Variants in CYP3A4 observed in about 807,000 individuals in gnomAD.
CYP3A4 encodes the protein cytochrome P450 family 3 subfamily A member 4.
In CYP3A4, 41 loss-of-function variants were observed where a neutral mutation model predicts 54.9. That is an observed-to-expected ratio of 0.75 (90% CI 0.58 to 0.97). The LOEUF (loss-of-function observed/expected upper bound fraction) is 0.97. CYP3A4 is among the 50% of genes least tolerant of loss of function. CYP3A4 has a pLI of 0.00. For missense variants in CYP3A4, 510 were observed against 597.3 expected, an observed-to-expected ratio of 0.85 and a Z score of 1.52; for synonymous variants, 179 against 205.2, an observed-to-expected ratio of 0.87 and a Z score of 1.09.
chr7:99,780,260 G>GCCT, intron 1 of CYP3A4, 175 bp from the exon 2 acceptor site: 1 of 637,280 alleles, frequency 1.6e-6, no homozygotes, highest in Non-Finnish European at 2.6e-6. Flanking sequence ...GTCCTTTCCT[G>GCCT]CCTCCACCAT....
intron 1 of CYP3A4, among the ~76,000 whole-genome samples, chr7:99,783,609 T>C (rs1815983076): frequency 7.0e-6 from 1 of 143,548 alleles, no homozygotes; most frequent in Non-Finnish European, 1.5e-5. Flanking sequence ...TGAACATCTT[T>C]TTTTTTTTTT....
chr7:99,767,295 TC>T (rs775396662), intron 7 of CYP3A4, 37 bp from the exon 8 acceptor site: 14 of 1,542,514 alleles, frequency 9.1e-6, no homozygotes, highest in Non-Finnish European at 1.2e-5. Flanking sequence ...AAAAAGAAAT[TC>T]ATTGTGAATG....
rs778013004 is a variant in CYP3A4 at position 99,770,166 on chromosome 7, G to C, written c.388C>G (p.Arg130Gly). The change falls in exon 5 of 13, where the codon CGA becomes GGA. Residue 130 changes from arginine to glycine, a missense_variant. By Grantham distance (125) the Arg-to-Gly change is moderately radical. This residue lies in a region of CYP3A4 where 272 missense variants were observed against 274.9 expected (regional missense o/e 0.99). Transcript: ENST00000651514. ...GTGAAGGTTGGAGACAGCAATGATC[G>C]TAATCTCTTCCATTCTTCATCCTCA... The part of the protein sequence containing the change: ...IAEDEEWKRL[R>G]SLLSPTFTSG... 1 of 1,613,568 alleles carries C rather than the reference G, an allele frequency of 6.2e-7. No homozygotes were observed. Among genetic ancestry groups the C allele is most frequent in the African/African-American group, 1.3e-5 (1 of 74,842 alleles).
At position 99,780,732 on chromosome 7, in the gene CYP3A4, T is replaced by C. The variant is rs919339195; in HGVS notation, c.72-647A>G. 5.9e-5 allele frequency among the ~76,000 whole-genome samples: 9 copies of C among 152,204 alleles called. No individual in the cohort carries two copies. The South Asian group carries it at 1.2e-3, about 21-fold the overall frequency. On this transcript the variant is annotated intron_variant, in intron 1 of 12. Transcript: ENST00000651514. ...TTGACAACTGTGCTCAAGGCTTCCA[T>C]TGACCTCATAGAAATGTGAGCAGCT... is the stretch of plus-strand genomic sequence containing the variant.
intron 2 of CYP3A4, among the ~76,000 whole-genome samples, chr7:99,779,186 C>A (rs904567420): frequency 1.3e-5 from 2 of 152,076 alleles, no homozygotes; most frequent in African/African-American, 4.8e-5. Context: ...TTCATCAAAT[C>A]ATCCCCTTTC....
rs1815221590 is a variant in CYP3A4 at position 99,758,021 on chromosome 7, A to C, written c.*112T>G. The stretch of plus-strand genomic sequence containing the variant: ...GAATCCCCGGTTATTTATGCAGTCC[A>C]TTGGATGAAGCCCATCTTCATTTCA... On this transcript the variant is annotated 3_prime_UTR_variant, in exon 13 of 13. Transcript: ENST00000651514. 2 of 853,942 alleles carry C rather than the reference A, an allele frequency of 2.3e-6. No homozygotes were observed. Among genetic ancestry groups the C allele is most frequent in the Non-Finnish European group, 3.9e-6 (2 of 509,990 alleles). The allele number at this position is 853,942 out of a possible 1,614,324, so 52.9% of individuals were successfully genotyped here.
chr7:99,781,442 T>C (rs1422751974), intron 1 of CYP3A4, among the ~76,000 whole-genome samples: 1 of 152,200 alleles, frequency 6.6e-6, no homozygotes, highest in Non-Finnish European at 1.5e-5. Flanking sequence ...ACTATCTCTG[T>C]AGGAAAACCC....
intron 11 of CYP3A4, 45 bp from the exon 12 acceptor site, chr7:99,761,026 C>A: frequency 6.3e-7 from 1 of 1,596,744 alleles, no homozygotes. Context: ...TGACATAATA[C>A]CCCTAAGAGT....
intron 10 of CYP3A4, 119 bp downstream of exon 10, chr7:99,763,736 A>T: frequency 2.3e-6 from 3 of 1,330,006 alleles, no homozygotes; most frequent in Non-Finnish European, 3.1e-6. Flanking sequence ...CTTCCTACAT[A>T]GAGTCAGTGA....
chr7:99,772,775 G>A, intron 3 of CYP3A4, 86 bp from the exon 4 acceptor site: 1 of 1,346,058 alleles, frequency 7.4e-7, no homozygotes, highest in Non-Finnish European at 1.1e-6. Flanking sequence ...CTTTGATCCT[G>A]ACTTTACATA....
intron 12 of CYP3A4, among the ~76,000 whole-genome samples, 193 bp downstream of exon 12, chr7:99,760,626 A>G (rs1283056625): frequency 6.6e-6 from 1 of 152,218 alleles, no homozygotes; most frequent in Non-Finnish European, 1.5e-5. Flanking sequence ...GCTTTACATG[A>G]TGTTTTTGAT....
At chr7:99,766,938 C>A in intron 8 of CYP3A4, 193 bp downstream of exon 8, 1 of 496,950 alleles carries the variant, frequency 2.0e-6, no homozygotes, top group Non-Finnish European at 3.5e-6. Context: ...GTCTCTGACT[C>A]ATTCTCATAT....
chr7:99,779,338 G>A (rs35211223), intron 2 of CYP3A4, among the ~76,000 whole-genome samples: 1 of 152,068 alleles, frequency 6.6e-6, no homozygotes, highest in Non-Finnish European at 1.5e-5. Context: ...CCCATAAGGT[G>A]CAGCCTTTGA....
intron 3 of CYP3A4, among the ~76,000 whole-genome samples, chr7:99,774,802 C>T (rs752599266): frequency 1.4e-4 from 21 of 152,188 alleles, no homozygotes; most frequent in Non-Finnish European, 2.5e-4. Context: ...TGTCCTCTCT[C>T]ACCACTCCTA....
chr7:99,765,148 G>A (rs1173595475), intron 9 of CYP3A4, among the ~76,000 whole-genome samples: 1 of 152,146 alleles, frequency 6.6e-6, no homozygotes, highest in Non-Finnish European at 1.5e-5. Flanking sequence ...ATACTGATGT[G>A]AAATTGAACT....
chr7:99,770,994 A>G (rs1563042955), intron 4 of CYP3A4, among the ~76,000 whole-genome samples: 1 of 152,178 alleles, frequency 6.6e-6, no homozygotes, highest in African/African-American at 2.4e-5. Context: ...AGAATCTACA[A>G]AAAAACAGCC....
Position 99,762,246 on chromosome 7 carries a change from C to T in CYP3A4, c.1048G>A (p.Val350Met). 1 of 1,614,028 alleles carries T rather than the reference C, an allele frequency of 6.2e-7. No individual in the cohort carries two copies. Residue 350 changes from valine to methionine, a missense_variant, in exon 11 of 13, where the codon GTG becomes ATG. Transcript: ENST00000651514. The part of the protein sequence containing the change: ...PNKAPPTYDT[V>M]LQMEYLDMVV... ...ATGTCAAGATACTCCATCTGTAGCA[C>T]AGTATCATAGGTGGGTGGTGCCTGG...
Position 99,768,402 on chromosome 7 carries a change from T to G in CYP3A4, c.622A>C (p.Lys208Gln). 1 of 1,614,050 alleles carries G rather than the reference T, an allele frequency of 6.2e-7. No homozygotes were observed. Residue 208 changes from lysine (K) to glutamine (Q), a missense_variant, in exon 7 of 13, where the codon AAG becomes CAG. Around this residue, in one of 2 missense-constraint regions of CYP3A4, gnomAD observed 272 missense variants for 274.9 expected, o/e 0.99. Coordinates refer to ENST00000651514, the MANE Select transcript of CYP3A4 (RefSeq NM_017460.6). ...NPQDPFVENT[K>Q]KLLRFDFLDP... ...AAAAAATCAAATCTTAAAAGCTTCTTGGTGTTTTCCACAAAGGGGTCTTGT... is the reference window on the plus strand; with the variant it reads ...AAAAAATCAAATCTTAAAAGCTTCTGGGTGTTTTCCACAAAGGGGTCTTGT...
chr7:99,759,019 T>C (rs1815250923), intron 12 of CYP3A4, among the ~76,000 whole-genome samples: 1 of 152,192 alleles, frequency 6.6e-6, no homozygotes, highest in African/African-American at 2.4e-5. Flanking sequence ...GATCAAGAAG[T>C]GCCAGGTTGG....
Sources: gnomAD v4.1 joint callset for allele counts (sites outside exome capture counted in the v4.1 genomes callset) on GRCh38, gnomAD v4.1.1 for gene constraint, gnomAD v4.1.1 regional missense constraint, MANE v1.5 for transcripts, NCBI Gene and HGNC (gene_info 2026-07-23, HGNC 2026-07-21) for gene names.